The following LHFPL3 variants were observed in gnomAD, a reference collection of about 807,000 sequenced individuals.
LHFPL3 encodes the protein LHFPL tetraspan subfamily member 3.
A neutral mutation model predicts 19.3 loss-of-function variants in LHFPL3; 5 were observed. The ratio of observed to expected loss-of-function variants is 0.26; its 90% CI spans 0.14 to 0.54. LHFPL3 has a LOEUF of 0.54. Ranked by LOEUF, LHFPL3 falls within the 20% of genes least tolerant of loss-of-function variation. LHFPL3 has a pLI of 0.94. For missense variants in LHFPL3, 249 were observed against 307.4 expected (o/e 0.81, Z 1.42); for synonymous variants, 133 against 126.2 (o/e 1.05, Z -0.36).
intron 1 of LHFPL3, among the ~76,000 whole-genome samples, chr7:104,642,715 C>G (rs550772053): frequency 1.3e-5 from 2 of 152,200 alleles, no homozygotes; most frequent in Non-Finnish European, 2.9e-5. Flanking sequence ...GGCCCCCACT[C>G]TCACATGCAG....
intron 1 of LHFPL3, among the ~76,000 whole-genome samples, chr7:104,329,487 C>A (rs1302168018): frequency 6.6e-6 from 1 of 152,260 alleles, no homozygotes; most frequent in Non-Finnish European, 1.5e-5. Context: ...GCCCCGGAGG[C>A]AGGGCGGTTG....
chr7:104,556,295 G>GT (rs1241433989), intron 1 of LHFPL3, among the ~76,000 whole-genome samples: 1 of 152,178 alleles, frequency 6.6e-6, no homozygotes, highest in South Asian at 2.1e-4. Context: ...CTCCATGAGG[G>GT]TCCCCCCCCT....
At chr7:104,559,860 T>C (rs1392553504) in intron 1 of LHFPL3, among the ~76,000 whole-genome samples, 1 of 143,696 alleles carries the variant, frequency 7.0e-6, no homozygotes, top group African/African-American at 3.0e-5. Flanking sequence ...GTCCCATCAA[T>C]ACCTAATTTA....
chr7:104,583,388 G>A (rs1221625807), intron 1 of LHFPL3, among the ~76,000 whole-genome samples: 3 of 152,114 alleles, frequency 2.0e-5, no homozygotes, highest in Admixed American at 6.6e-5. Context: ...TACCATTCAG[G>A]ACATAGGCAT....
intron 2 of LHFPL3, among the ~76,000 whole-genome samples, chr7:104,864,606 G>A (rs947194784): frequency 2.0e-5 from 3 of 152,202 alleles, no homozygotes; most frequent in South Asian, 4.1e-4. Flanking sequence ...AGCTTGAACT[G>A]GGTAGAGCCC....
At chr7:104,900,759 C>T (rs1792466698) in intron 2 of LHFPL3, among the ~76,000 whole-genome samples, 1 of 152,162 alleles carries the variant, frequency 6.6e-6, no homozygotes, top group Admixed American at 6.5e-5. Context: ...ATAAATGCTG[C>T]ACTCATGAGC....
chr7:104,654,026 G>A (rs1792079780), intron 1 of LHFPL3, among the ~76,000 whole-genome samples: 1 of 152,114 alleles, frequency 6.6e-6, no homozygotes. Flanking sequence ...TCTTAGGATG[G>A]CACCTAAGGT....
chr7:104,410,590 A>C (rs1373219828), intron 1 of LHFPL3, among the ~76,000 whole-genome samples: 1 of 152,250 alleles, frequency 6.6e-6, no homozygotes, highest in African/African-American at 2.4e-5. Context: ...TAATCCACAA[A>C]TCAAAATATT....
chr7:104,353,481 A>T (rs2116394109), intron 1 of LHFPL3, among the ~76,000 whole-genome samples: 1 of 152,336 alleles, frequency 6.6e-6, no homozygotes, highest in Non-Finnish European at 1.5e-5. Flanking sequence ...GAAAGACACA[A>T]TGATAAATTA....
At chr7:104,451,067 G>C (rs972849788) in intron 1 of LHFPL3, among the ~76,000 whole-genome samples, 3 of 152,152 alleles carry the variant, frequency 2.0e-5, no homozygotes, top group Non-Finnish European at 1.5e-5. Context: ...CCTGAGCAAG[G>C]AACCCATGAC....
intron 1 of LHFPL3, among the ~76,000 whole-genome samples, chr7:104,587,466 T>C (rs1370374690): frequency 6.6e-6 from 1 of 152,222 alleles, no homozygotes; most frequent in Non-Finnish European, 1.5e-5. Flanking sequence ...TTTTTATGGC[T>C]GCATAGTATT....
chr7:104,823,806 G>GA (rs924571701), intron 2 of LHFPL3, among the ~76,000 whole-genome samples: 6 of 151,668 alleles, frequency 4.0e-5, no homozygotes, highest in Non-Finnish European at 2.9e-5. Context: ...CACTAAGCTG[G>GA]AAAAAAAGAG....
At position 104,500,776 on chromosome 7, in the gene LHFPL3, A is replaced by G. The variant is rs190057365; in HGVS notation, c.445+171552A>G. On this transcript the variant is annotated intron_variant, in intron 1 of 2. Coordinates refer to ENST00000424859, the MANE Select transcript of LHFPL3 (RefSeq NM_199000.3). ...TGAGCAAATCCCTGCCCATACAGTA[A>G]ACCCTCCTTTGTGTTCAGATGTGAT... 5.9e-5 allele frequency among the ~76,000 whole-genome samples: 9 copies of G among 152,286 alleles called. No homozygotes were observed. In the East Asian group the frequency reaches 1.7e-3, roughly 29 times the overall value.
chr7:104,443,096 A>G (rs1479926932), intron 1 of LHFPL3, among the ~76,000 whole-genome samples: 1 of 152,116 alleles, frequency 6.6e-6, no homozygotes, highest in Non-Finnish European at 1.5e-5. Context: ...CCATTTTCAA[A>G]AAGTGTGGTT....
At chr7:104,673,357 A>G (rs977992855) in intron 1 of LHFPL3, among the ~76,000 whole-genome samples, 1 of 152,236 alleles carries the variant, frequency 6.6e-6, no homozygotes, top group African/African-American at 2.4e-5. Flanking sequence ...GCTTTTATCT[A>G]TACTGTATGT....
At chr7:104,749,405 G>C (rs1468505659) in intron 2 of LHFPL3, among the ~76,000 whole-genome samples, 2 of 152,226 alleles carry the variant, frequency 1.3e-5, no homozygotes, top group East Asian at 3.8e-4. Flanking sequence ...ACAAATAGTT[G>C]GACTATTAAG....
Position 104,587,454 on chromosome 7 carries a change from AT to A in LHFPL3, c.446-149215del, listed in dbSNP as rs199893692. The stretch of plus-strand genomic sequence containing the variant: ...TCCCTACAAAGGACATGAACTCATC[AT>A]TTTTTATGGCTGCATAGTATTCCAT... On this transcript the variant is annotated intron_variant, in intron 1 of 2. Coordinates refer to ENST00000424859, the MANE Select transcript of LHFPL3 (RefSeq NM_199000.3). Among the ~76,000 whole-genome samples the A allele has an allele frequency of 4.1e-3, 622 of 152,258 alleles. 35 individuals carry two copies. In the East Asian group the frequency reaches 0.1, roughly 24 times the overall value.
chr7:104,547,263 A>G (rs112681140), intron 1 of LHFPL3, among the ~76,000 whole-genome samples: 1,391 of 25,856 alleles, frequency 0.054, 425 homozygotes, highest in African/African-American at 0.13. Context: ...AAAAAAAAAA[A>G]AAAAAAAGAA....
chr7:104,656,593 T>C (rs963235956), intron 1 of LHFPL3, among the ~76,000 whole-genome samples: 1 of 152,116 alleles, frequency 6.6e-6, no homozygotes, highest in Non-Finnish European at 1.5e-5. Flanking sequence ...CTGAAGAGGA[T>C]CTAAAAGGGT....
Sources: allele counts gnomAD v4.1 joint callset (sites outside exome capture counted in the v4.1 genomes callset), GRCh38; gene constraint gnomAD v4.1.1; transcripts MANE v1.5; gene names NCBI Gene and HGNC (gene_info 2026-07-23, HGNC 2026-07-21).